The following FOXF2 variants were observed in gnomAD, a reference collection of about 807,000 sequenced individuals.
FOXF2 encodes forkhead box F2.
A neutral mutation model predicts 29.1 loss-of-function variants in FOXF2; 15 were observed. The observed-to-expected ratio is 0.52, with a 90% CI of 0.35 to 0.79. The LOEUF is 0.79. Among genes scored for constraint, FOXF2 ranks in the 30% least tolerant of loss-of-function variants. The pLI, the probability that FOXF2 is intolerant of heterozygous loss-of-function variation, is 0.01. For synonymous variants in FOXF2, 337 were observed against 316.5 expected (o/e 1.06, Z -0.69); for missense variants, 675 against 667.1 (o/e 1.01, Z -0.13).
rs562724614 is a variant in FOXF2 at position 1,395,202 on chromosome 6, T to TTGTGTG, written c.*357_*362dup. ...TCAGGGTGTGAAAAAAGCAGACAAGTTGTGTGTGTGTGTGTGTGTCTAAGA... is the reference window on the plus strand; with the variant it reads ...TCAGGGTGTGAAAAAAGCAGACAAGTTGTGTGTGTGTGTGTGTGTGTGTGTCTAAGA... On this transcript the variant is annotated 3_prime_UTR_variant, in exon 2 of 2. Transcript: ENST00000645481. The TTGTGTG allele has an allele frequency of 8.6e-6, 3 of 350,646 alleles. No individual in the cohort carries two copies. Among genetic ancestry groups the TTGTGTG allele is most frequent in the Non-Finnish European group, 1.6e-5 (3 of 186,044 alleles). 21.7% of individuals were successfully genotyped at this position (350,646 alleles called of 1,614,324 possible).
rs1017702335 is a variant in FOXF2, at chr6:1,389,941, G to A, written c.-7G>A. The A allele has an allele frequency of 1.0e-6, 1 of 983,534 alleles. No individual in the cohort carries two copies. Among genetic ancestry groups the A allele is most frequent in the Non-Finnish European group, 1.2e-6 (1 of 829,322 alleles). 60.9% of individuals were successfully genotyped at this position (983,534 alleles called of 1,614,324 possible). ...CCTCGCGGCCCGGCCTCGCTCCCGG[G>A]TCCCAGATGACCACCGAGGGCGGGC... On this transcript the variant is annotated 5_prime_UTR_variant, in exon 1 of 2. Transcript: ENST00000645481.
In FOXF2 at chr6:1,392,460, A is replaced by T. The variant is rs993970676; in HGVS notation, c.1171+1342A>T. Among the ~76,000 whole-genome samples the T allele has an allele frequency of 8.4e-4, 127 of 151,068 alleles. 3 individuals are homozygous for T. Among genetic ancestry groups the T allele is most frequent in the South Asian group, 6.5e-3 (31 of 4,754 alleles). On this transcript the variant is annotated intron_variant, in intron 1 of 1. Coordinates refer to ENST00000645481, the MANE Select transcript of FOXF2 (RefSeq NM_001452.2). ...CACACACACACACACACACACACAC[A>T]CACACACACACACACACCCCTCGGT...
At chr6:1,393,590 C>T (rs1198066828) in intron 1 of FOXF2, among the ~76,000 whole-genome samples, 3 of 152,132 alleles carry the variant, frequency 2.0e-5, no homozygotes, top group Admixed American at 2.0e-4. Flanking sequence ...CGCCTCGCTC[C>T]GGCATTGCGG....
Position 1,390,828 on chromosome 6 carries a change from C to T in FOXF2, c.881C>T (p.Pro294Leu). The T allele has an allele frequency of 7.2e-7, 1 of 1,394,638 alleles. No homozygotes were observed. The highest frequency in any genetic ancestry group is 1.7e-5 in the South Asian group (1 of 59,996). The allele number at this position is 1,394,638 out of a possible 1,614,324, so 86.4% of individuals were successfully genotyped here. ...GCCAGCTGCCCGGTGCCCGCGGGAC[C>T]CGGGGGCGTCGGTGCGGCCGGGGGC... The part of the protein sequence containing the change: ...YMASCPVPAG[P>L]GGVGAAGGGG... Residue 294 changes from proline to leucine, a missense_variant, in exon 1 of 2, where the codon CCC becomes CTC. Transcript: ENST00000645481. The surrounding 1 kb of genome is among the most constrained non-coding windows in gnomAD (Gnocchi z 8.5).
chr6:1,391,411 G>C (rs1020091440), intron 1 of FOXF2, among the ~76,000 whole-genome samples: 2 of 152,264 alleles, frequency 1.3e-5, no homozygotes, highest in Non-Finnish European at 2.9e-5. Context: ...CTGTGCAGGA[G>C]ACTGCAGGTC....
chr6:1,391,139 CCAGCCAGCTGGGCG>C (rs757981546), intron 1 of FOXF2, 21 bp downstream of exon 1: 1 of 1,598,818 alleles, frequency 6.3e-7, no homozygotes, highest in South Asian at 1.1e-5. Flanking sequence ...ACGCTCCAGC[CCAGCCAGCTGGGCG>C]CACCGCTTCT....
rs201574692 is a variant in FOXF2, at chr6:1,394,676, T to A, written c.1172-20T>A. ...GATGACTTTGTTTCTGAAGAGGTTTTTTTTTCTTTCTTCTTTCAGTGGGAC... is the reference window on the plus strand; with the variant it reads ...GATGACTTTGTTTCTGAAGAGGTTTATTTTTCTTTCTTCTTTCAGTGGGAC... On this transcript the variant is annotated intron_variant, in intron 1 of 1. Coordinates refer to ENST00000645481, the MANE Select transcript of FOXF2 (RefSeq NM_001452.2). The A allele has an allele frequency of 5.3e-5, 85 of 1,613,672 alleles. No homozygotes were observed. The highest frequency in any genetic ancestry group is 1.6e-4 in the Middle Eastern group (1 of 6,084).
At chr6:1,392,342 G>C (rs1329630435) in intron 1 of FOXF2, among the ~76,000 whole-genome samples, 1 of 151,996 alleles carries the variant, frequency 6.6e-6, no homozygotes, top group Non-Finnish European at 1.5e-5. Flanking sequence ...ACTGAGAACA[G>C]AGTCTTGTTC....
Position 1,395,036 on chromosome 6 carries a change from G to T in FOXF2, c.*177G>T, listed in dbSNP as rs1758876393. 3.0e-6 allele frequency: 2 copies of T among 657,822 alleles called. No individual in the cohort carries two copies. The highest frequency in any genetic ancestry group is 5.2e-5 in the Admixed American group (2 of 38,628). 40.7% of individuals were successfully genotyped at this position (657,822 alleles called of 1,614,324 possible). ...TGTTATTTGCCTACTGCTGGAAGAA[G>T]GACAACCGCTGGCAAGGTAGCGTTC... On this transcript the variant is annotated 3_prime_UTR_variant, in exon 2 of 2. Coordinates refer to ENST00000645481, the MANE Select transcript of FOXF2 (RefSeq NM_001452.2).
In FOXF2 at chr6:1,389,938, C is replaced by T. The variant is rs1758737296; in HGVS notation, c.-10C>T. ...CGCCCTCGCGGCCCGGCCTCGCTCC[C>T]GGGTCCCAGATGACCACCGAGGGCG... On this transcript the variant is annotated 5_prime_UTR_variant, in exon 1 of 2. Transcript: ENST00000645481. 3.1e-6 allele frequency: 3 copies of T among 972,356 alleles called. No individual in the cohort carries two copies. Among genetic ancestry groups the T allele is most frequent in the Non-Finnish European group, 3.7e-6 (3 of 820,774 alleles). 60.2% of individuals were successfully genotyped at this position (972,356 alleles called of 1,614,324 possible).
rs533052243 is a variant in FOXF2, at chr6:1,392,675, C to T, written c.1171+1557C>T. 6.6e-5 allele frequency among the ~76,000 whole-genome samples: 10 copies of T among 152,340 alleles called. No homozygotes were observed. The South Asian group carries it at 2.1e-3, about 32-fold the overall frequency. On this transcript the variant is annotated intron_variant, in intron 1 of 1. Coordinates refer to ENST00000645481, the MANE Select transcript of FOXF2 (RefSeq NM_001452.2). ...CACAGGAAAGAGACTCCTGACCCTTCCTCAAGGCTGCTCTCGCCCCACCTC... is the reference window on the plus strand; with the variant it reads ...CACAGGAAAGAGACTCCTGACCCTTTCTCAAGGCTGCTCTCGCCCCACCTC...
rs200513147 is a variant in FOXF2, at chr6:1,394,703, G to A, written c.1179G>A (p.Leu393=). 9.3e-6 allele frequency: 15 copies of A among 1,613,968 alleles called. No homozygotes were observed. In the East Asian group the frequency reaches 3.1e-4, roughly 34 times the overall value. Residue 393 remains leucine, a synonymous_variant, in exon 2 of 2, where the codon CTG becomes CTA. Coordinates refer to ENST00000645481, the MANE Select transcript of FOXF2 (RefSeq NM_001452.2). The part of the protein sequence containing the change: ...QNAREDLSVG[L]PRYQHHSTPV... ...TTTTCTTTCTTCTTTCAGTGGGACT[G>A]CCCCGTTACCAGCATCACTCTACTC...
At chr6:1,394,628 A>G (rs1464328644) in intron 1 of FOXF2, 68 bp from the exon 2 acceptor site, 5 of 1,528,622 alleles carry the variant, frequency 3.3e-6, no homozygotes, top group Non-Finnish European at 1.8e-6. Flanking sequence ...CTGAGGCAAA[A>G]TAAGACACCC....
Position 1,390,259 on chromosome 6 carries a change from G to C in FOXF2, c.312G>C (p.Ser104=). Residue 104 remains serine (S), a synonymous_variant, in exon 1 of 2, where the codon TCG becomes TCC. Transcript: ENST00000645481. The surrounding 1 kb of genome is among the most constrained non-coding windows in gnomAD (Gnocchi z 8.5). The stretch of plus-strand genomic sequence containing the variant: ...GGCGGCCCGAGAAGCCGCCCTACTC[G>C]TACATCGCGCTCATCGTCATGGCCA... ...GLRRPEKPPY[S]YIALIVMAIQ... is the part of the protein sequence containing the mutation. 4.3e-6 allele frequency: 7 copies of C among 1,611,080 alleles called. No individual in the cohort carries two copies. Among genetic ancestry groups the C allele is most frequent in the East Asian group, 2.2e-5 (1 of 44,750 alleles).
Position 1,390,122 on chromosome 6 carries a change from T to C in FOXF2, c.175T>C (p.Ser59Pro), listed in dbSNP as rs1490467102. 1.4e-6 allele frequency: 2 copies of C among 1,439,596 alleles called. No homozygotes were observed. The highest frequency in any genetic ancestry group is 2.9e-5 in the East Asian group (1 of 34,624). 89.2% of individuals were successfully genotyped at this position (1,439,596 alleles called of 1,614,324 possible). ...SSSSSASCAS[S>P]SSSSNSASAP... ...GTCGTCCTCCGCCTCCTGCGCCTCGTCCTCGTCCTCCTCCAATTCGGCCAG... is the reference window on the plus strand; with the variant it reads ...GTCGTCCTCCGCCTCCTGCGCCTCGCCCTCGTCCTCCTCCAATTCGGCCAG... Residue 59 changes from serine to proline, a missense_variant, in exon 1 of 2, where the codon TCC becomes CCC. Around this residue, in one of 3 missense-constraint regions of FOXF2, gnomAD observed 220 missense variants for 205.5 expected, o/e 1.07. Coordinates refer to ENST00000645481, the MANE Select transcript of FOXF2 (RefSeq NM_001452.2). The surrounding 1 kb of genome is among the most constrained non-coding windows in gnomAD (Gnocchi z 8.5).
chr6:1,390,041 CCCG>C lies in FOXF2; in HGVS notation c.121_123del (p.Ala41del), dbSNP rs747033801. On this transcript the variant is annotated inframe_deletion, in exon 1 of 2. Coordinates refer to ENST00000645481, the MANE Select transcript of FOXF2 (RefSeq NM_001452.2). This position sits in a 1 kb window ranked among gnomAD's most constrained non-coding sequence, Gnocchi z 8.5. ...CCAGGCCGCCCTGATGAGCCCGCCG[CCCG>C]CCGCCGCCGCCGCCGCCGCCGCCGC... The C allele has an allele frequency of 0.02, 24,691 of 1,247,212 alleles. 1 individual carries two copies. The highest frequency in any genetic ancestry group is 0.053 in the South Asian group (2,728 of 51,576). The allele number at this position is 1,247,212 out of a possible 1,614,324, so 77.3% of individuals were successfully genotyped here. A position where few individuals can be genotyped will look rare whatever the true frequency, so the allele number is the denominator to read the frequency against.
intron 1 of FOXF2, among the ~76,000 whole-genome samples, chr6:1,391,336 A>G (rs1758784859): frequency 6.6e-6 from 1 of 152,222 alleles, no homozygotes; most frequent in Non-Finnish European, 1.5e-5. Flanking sequence ...CCGAAGCTTC[A>G]GAATTGTCTG....
intron 1 of FOXF2, among the ~76,000 whole-genome samples, chr6:1,392,626 G>A (rs923057223): frequency 2.6e-5 from 4 of 151,458 alleles, no homozygotes; most frequent in Non-Finnish European, 5.9e-5. Context: ...TGGAGAAACC[G>A]TACTCTAGGA....
intron 1 of FOXF2, 31 bp downstream of exon 1, chr6:1,391,149 G>A (rs1362049365): frequency 1.3e-6 from 2 of 1,597,424 alleles, no homozygotes; most frequent in Non-Finnish European, 8.5e-7. Context: ...CCAGCCAGCT[G>A]GGCGCACCGC....
Sources: gnomAD v4.1 joint callset for allele counts (sites outside exome capture counted in the v4.1 genomes callset) on GRCh38, gnomAD v4.1.1 for gene constraint, gnomAD v4.1.1 regional missense constraint, Gnocchi (gnomAD v3.1) non-coding constraint, MANE v1.5 for transcripts, NCBI Gene and HGNC (gene_info 2026-07-23, HGNC 2026-07-21) for gene names.